Variants in PLAGL1 observed in about 807,000 individuals in gnomAD.
The protein encoded by PLAGL1 is PLAG1 like zinc finger 1.
PLAGL1 carries 1 observed loss-of-function variant against 4.6 expected under a neutral mutation model. The observed-to-expected ratio is 0.22, with a 90% CI of 0.08 to 1.03. The LOEUF (loss-of-function observed/expected upper bound fraction) is 1.03. Ranked by LOEUF, PLAGL1 falls within the 50% of genes least tolerant of loss-of-function variation. The probability of loss-of-function intolerance (pLI) is 0.58; values close to 1 mark genes in which losing one functional copy is unlikely to be tolerated. For missense variants in PLAGL1, 464 were observed against 570.4 expected, an observed-to-expected ratio of 0.81 and a Z score of 1.90; for synonymous variants, 240 against 237.8, an observed-to-expected ratio of 1.01 and a Z score of -0.08.
chr6:143,984,206 T>G lies in PLAGL1; in HGVS notation c.-544+929A>C, dbSNP rs1262566413. On this transcript the variant is annotated intron_variant, in intron 2 of 7. Transcript: ENST00000674357. This position sits in a 1 kb window ranked among gnomAD's most constrained non-coding sequence, Gnocchi z 5.5. ...ATGTCCTTCTTCTCTTTCACTATCATTCTGAAAAATGTACAATTAATTCTG... is the reference window on the plus strand; with the variant it reads ...ATGTCCTTCTTCTCTTTCACTATCAGTCTGAAAAATGTACAATTAATTCTG... 6.6e-6 allele frequency among the ~76,000 whole-genome samples: 1 copy of G among 152,184 alleles called. No homozygotes were observed. The highest frequency in any genetic ancestry group is 1.5e-5 in the Non-Finnish European group (1 of 68,016).
At chr6:144,038,900 A>G (rs1220763171) in intron 1 of PLAGL1, among the ~76,000 whole-genome samples, 1 of 152,246 alleles carries the variant, frequency 6.6e-6, no homozygotes, top group Non-Finnish European at 1.5e-5. Context: ...GCACAACTCT[A>G]TGAATATACT....
intron 1 of PLAGL1, among the ~76,000 whole-genome samples, chr6:144,020,072 T>G (rs1055570296): frequency 6.6e-6 from 1 of 152,162 alleles, no homozygotes; most frequent in African/African-American, 2.4e-5. Context: ...ATGGGATTAG[T>G]ACCCTTACAC....
In PLAGL1 at chr6:143,970,616, A is replaced by C. The variant is rs1785246368; in HGVS notation, c.-543-1638T>G. Among the ~76,000 whole-genome samples, 1 of 152,182 alleles carries C rather than the reference A, an allele frequency of 6.6e-6. No homozygotes were observed. The highest frequency in any genetic ancestry group is 1.5e-5 in the Non-Finnish European group (1 of 68,028). On this transcript the variant is annotated intron_variant, in intron 2 of 7. Coordinates refer to ENST00000674357, the MANE Select transcript of PLAGL1 (RefSeq NM_001317162.2). This position sits in a 1 kb window ranked among gnomAD's most constrained non-coding sequence, Gnocchi z 5.8. The stretch of plus-strand genomic sequence containing the variant: ...TTTGGTCAGTCTGGGTGGACGGGAA[A>C]CTGTCTAAGAGGGAAATATCTGGTA...
intron 1 of PLAGL1, among the ~76,000 whole-genome samples, chr6:144,024,307 A>G (rs906417238): frequency 6.6e-6 from 1 of 152,174 alleles, no homozygotes; most frequent in Non-Finnish European, 1.5e-5. Flanking sequence ...GGCAGGGAAT[A>G]TACAAGATGT....
At position 143,997,166 on chromosome 6, in the gene PLAGL1, G is replaced by A. The variant is rs1791815340; in HGVS notation, c.-584+10924C>T. On this transcript the variant is annotated intron_variant, in intron 1 of 7. Transcript: ENST00000674357. The surrounding 1 kb of genome is among the most constrained non-coding windows in gnomAD (Gnocchi z 4.6). ...TTAAAGCGAAAAAGACTAATATCAA[G>A]TGCTGATGAAAATGTGCACTCCAAC... is the stretch of plus-strand genomic sequence containing the variant. Among the ~76,000 whole-genome samples the A allele has an allele frequency of 6.6e-6, 1 of 152,190 alleles. No homozygotes were observed. Among genetic ancestry groups the A allele is most frequent in the Non-Finnish European group, 1.5e-5 (1 of 68,030 alleles).
intron 1 of PLAGL1, among the ~76,000 whole-genome samples, chr6:144,037,952 G>A (rs1380101640): frequency 6.6e-6 from 1 of 152,112 alleles, no homozygotes; most frequent in African/African-American, 2.4e-5. Context: ...CCAATAAATG[G>A]TAATACTAAA....
intron 1 of PLAGL1, among the ~76,000 whole-genome samples, chr6:144,020,990 A>T (rs372723676): frequency 1.3e-5 from 2 of 150,906 alleles, no homozygotes; most frequent in East Asian, 3.9e-4. Context: ...TACATGGTAC[A>T]CATGAGGACA....
rs899718647 is a variant in PLAGL1 at position 144,015,245 on chromosome 6, A to G, written c.-150-46267T>C. On this transcript the variant is annotated intron_variant, in intron 1 of 3. Transcript: ENST00000437412. This position sits in a 1 kb window ranked among gnomAD's most constrained non-coding sequence, Gnocchi z 4.3. ...CATGTTGAAATAATATTTTAGATAT[A>G]TTGCATATAATTCAAAGTAACTTAA... 6.6e-6 allele frequency among the ~76,000 whole-genome samples: 1 copy of G among 152,376 alleles called. No homozygotes were observed. Among genetic ancestry groups the G allele is most frequent in the African/African-American group, 2.4e-5 (1 of 41,592 alleles).
Position 143,978,813 on chromosome 6 carries a change from T to G in PLAGL1, c.-544+6322A>C, listed in dbSNP as rs1477666663. 1.3e-5 allele frequency among the ~76,000 whole-genome samples: 2 copies of G among 152,196 alleles called. No individual in the cohort carries two copies. Among genetic ancestry groups the G allele is most frequent in the Non-Finnish European group, 2.9e-5 (2 of 68,018 alleles). On this transcript the variant is annotated intron_variant, in intron 2 of 7. Transcript: ENST00000674357. The surrounding 1 kb of genome is among the most constrained non-coding windows in gnomAD (Gnocchi z 4.6). ...TTGAGTAGCGTTCTATAAACGCCAATTAAGTCAATGTGGTTGATAGCACTG... is the reference window on the plus strand; with the variant it reads ...TTGAGTAGCGTTCTATAAACGCCAAGTAAGTCAATGTGGTTGATAGCACTG...
intron 1 of PLAGL1, among the ~76,000 whole-genome samples, chr6:143,986,536 A>G (rs898644357): frequency 5.3e-5 from 8 of 152,170 alleles, no homozygotes; most frequent in Non-Finnish European, 8.8e-5. Flanking sequence ...TGATGATGGG[A>G]GAACTGAAAT....
Position 144,006,181 on chromosome 6 carries a change from C to T in PLAGL1, c.-584+1909G>A, listed in dbSNP as rs934875803. Reference sequence around the variant, plus strand: ...TGAAATAAAACATTACTGATAAATTCCCTAGGTACTCCTCCCTGAGCAAGA... The same window carrying T: ...TGAAATAAAACATTACTGATAAATTTCCTAGGTACTCCTCCCTGAGCAAGA... On this transcript the variant is annotated intron_variant, in intron 1 of 7. Coordinates refer to ENST00000674357, the MANE Select transcript of PLAGL1 (RefSeq NM_001317162.2). This position sits in a 1 kb window ranked among gnomAD's most constrained non-coding sequence, Gnocchi z 4.3. 1.3e-5 allele frequency: 2 copies of T among 151,658 alleles called. No homozygotes were observed. Among genetic ancestry groups the T allele is most frequent in the South Asian group, 4.2e-4 (2 of 4,812 alleles). 9.4% of individuals were successfully genotyped at this position (151,658 alleles called of 1,614,324 possible).
At position 143,959,754 on chromosome 6, in the gene PLAGL1, A is replaced by T. The variant is rs1256184050; in HGVS notation, c.-325+715T>A. Among the ~76,000 whole-genome samples, 1 of 152,248 alleles carries T rather than the reference A, an allele frequency of 6.6e-6. No homozygotes were observed. The highest frequency in any genetic ancestry group is 1.5e-5 in the Non-Finnish European group (1 of 68,048). On this transcript the variant is annotated intron_variant, in intron 6 of 7. Transcript: ENST00000674357. The surrounding 1 kb of genome is among the most constrained non-coding windows in gnomAD (Gnocchi z 5.3). The stretch of plus-strand genomic sequence containing the variant: ...CATGGACTAATGACATACTGCAAGT[A>T]ATACACTGTCCTAAGCAAAACGCCT...
At position 144,005,000 on chromosome 6, in the gene PLAGL1, T is replaced by C. The variant is rs1032316234; in HGVS notation, c.-584+3090A>G. 2.7e-5 allele frequency: 4 copies of C among 149,768 alleles called. No homozygotes were observed. The highest frequency in any genetic ancestry group is 4.9e-5 in the African/African-American group (2 of 41,078). 9.3% of individuals were successfully genotyped at this position (149,768 alleles called of 1,614,324 possible). A position where few individuals can be genotyped will look rare whatever the true frequency, so the allele number is the denominator to read the frequency against. On this transcript the variant is annotated intron_variant, in intron 1 of 7. Coordinates refer to ENST00000674357, the MANE Select transcript of PLAGL1 (RefSeq NM_001317162.2). The surrounding 1 kb of genome is among the most constrained non-coding windows in gnomAD (Gnocchi z 4.2). ...TTATATAAACTCTACAGAGAGATTA[T>C]ATATAATCTATATATAAAGTGTATG...
rs374451635 is a variant in PLAGL1, at chr6:143,942,411, T to C, written c.405A>G (p.Leu135=). 6.2e-7 allele frequency: 1 copy of C among 1,614,104 alleles called. No individual in the cohort carries two copies. The highest frequency in any genetic ancestry group is 1.1e-5 in the South Asian group (1 of 91,078). ...CCGCATGGGCTTTGAGGTGGTCCAG[T>C]AGCACCTCGGTGCTCCCTAGCTCCA... The part of the protein sequence containing the change: ...CALELGSTEV[L]LDHLKAHAEE... The change falls in exon 8 of 8, where the codon CTA becomes CTG. Residue 135 remains leucine (L), a synonymous_variant. Transcript: ENST00000674357. This position sits in a 1 kb window ranked among gnomAD's most constrained non-coding sequence, Gnocchi z 7.6.
At position 143,948,747 on chromosome 6, in the gene PLAGL1, C is replaced by A. The variant is rs1313547168; in HGVS notation, c.-324-287G>T. Reference sequence around the variant, plus strand: ...ATCTATTTCAGGTCAGTGTGAAGCTCCATTGACCAAAGAGAAAAACAACAA... The same window carrying A: ...ATCTATTTCAGGTCAGTGTGAAGCTACATTGACCAAAGAGAAAAACAACAA... On this transcript the variant is annotated intron_variant, in intron 6 of 7. Coordinates refer to ENST00000674357, the MANE Select transcript of PLAGL1 (RefSeq NM_001317162.2). This position sits in a 1 kb window ranked among gnomAD's most constrained non-coding sequence, Gnocchi z 6.0. Among the ~76,000 whole-genome samples, 2 of 143,432 alleles carry A rather than the reference C, an allele frequency of 1.4e-5. No homozygotes were observed. The highest frequency in any genetic ancestry group is 1.5e-4 in the Admixed American group (2 of 13,712). The allele number at this position is 143,432 out of a possible 152,430, so 94.1% of individuals were successfully genotyped here. A position where few individuals can be genotyped will look rare whatever the true frequency, so the allele number is the denominator to read the frequency against.
In PLAGL1 at chr6:143,952,578, C is replaced by CAT. The variant is rs1234328570; in HGVS notation, c.-324-4120_-324-4119dup. Among the ~76,000 whole-genome samples, 4 of 151,998 alleles carry CAT rather than the reference C, an allele frequency of 2.6e-5. No individual in the cohort carries two copies. The highest frequency in any genetic ancestry group is 6.6e-5 in the Admixed American group (1 of 15,244). On this transcript the variant is annotated intron_variant, in intron 6 of 7. Coordinates refer to ENST00000674357, the MANE Select transcript of PLAGL1 (RefSeq NM_001317162.2). The surrounding 1 kb of genome is among the most constrained non-coding windows in gnomAD (Gnocchi z 6.1). ...AGAGAGGATCAGACGGGAAGAAGAA[C>CAT]ATATATATATGGTAACAGCCAGGAA...
In PLAGL1 at chr6:144,016,749, T is replaced by A. The variant is rs2207851; in HGVS notation, c.-151+47719A>T. The stretch of plus-strand genomic sequence containing the variant: ...CCTAAAATACATCCACTTGATTACA[T>A]GCAAATCATACTTCAGTAAGTGTCA... On this transcript the variant is annotated intron_variant, in intron 1 of 3. Coordinates refer to the PLAGL1 transcript ENST00000437412. This position sits in a 1 kb window ranked among gnomAD's most constrained non-coding sequence, Gnocchi z 4.2. Among the ~76,000 whole-genome samples the A allele has an allele frequency of 6.6e-6, 1 of 152,050 alleles. No individual in the cohort carries two copies. The highest frequency in any genetic ancestry group is 1.5e-5 in the Non-Finnish European group (1 of 68,008).
At chr6:144,030,800 G>A (rs112682099) in intron 1 of PLAGL1, among the ~76,000 whole-genome samples, 1 of 152,168 alleles carries the variant, frequency 6.6e-6, no homozygotes, top group Non-Finnish European at 1.5e-5. Context: ...CTATAAACAT[G>A]AGTGTGCAAG....
In PLAGL1 at chr6:144,039,796, T is replaced by G. The variant is rs1190489296; in HGVS notation, c.-151+24672A>C. Among the ~76,000 whole-genome samples, 2 of 152,222 alleles carry G rather than the reference T, an allele frequency of 1.3e-5. No individual in the cohort carries two copies. The highest frequency in any genetic ancestry group is 2.4e-5 in the African/African-American group (1 of 41,450). ...TAAATCCTAGACATATTTATGCATA[T>G]GTACACCAAGATATATCTGCAAGAA... On this transcript the variant is annotated intron_variant, in intron 1 of 3. Coordinates refer to the PLAGL1 transcript ENST00000437412. The surrounding 1 kb of genome is among the most constrained non-coding windows in gnomAD (Gnocchi z 4.1).
Sources: allele counts gnomAD v4.1 joint callset (sites outside exome capture counted in the v4.1 genomes callset), GRCh38; gene constraint gnomAD v4.1.1; non-coding constraint Gnocchi (gnomAD v3.1); transcripts MANE v1.5; gene names NCBI Gene and HGNC (gene_info 2026-07-23, HGNC 2026-07-21).